Variants in CTBP2 observed in about 807,000 individuals in gnomAD.
The protein encoded by CTBP2 is C-terminal-binding protein 2.
CTBP2 carries 30 observed loss-of-function variants against 80.3 expected under a neutral mutation model. That is an observed-to-expected ratio of 0.37 (90% CI 0.28 to 0.51). The LOEUF is 0.51. CTBP2 is among the 20% of genes least tolerant of loss of function. The probability of loss-of-function intolerance (pLI) is 0.93; values close to 1 mark genes in which losing one functional copy is unlikely to be tolerated. For missense variants in CTBP2, 1,212 were observed against 1,375.3 expected, an observed-to-expected ratio of 0.88 and a Z score of 1.88; for synonymous variants, 594 against 587.4, an observed-to-expected ratio of 1.01 and a Z score of -0.16.
rs143250972 is a variant in CTBP2, at chr10:125,019,293, T to C, written c.1678+6789A>G. ...TTCTACATCGCTAACGTGGGCTAATTAGTTATGGATTACAAGTACTATTTC... is the reference window on the plus strand; with the variant it reads ...TTCTACATCGCTAACGTGGGCTAATCAGTTATGGATTACAAGTACTATTTC... On this transcript the variant is annotated intron_variant, in intron 1 of 8. Coordinates refer to ENST00000309035, the MANE Select transcript of CTBP2 (RefSeq NM_022802.3). Among the ~76,000 whole-genome samples, 109 of 152,296 alleles carry C rather than the reference T, an allele frequency of 7.2e-4. 1 individual carries two copies. Among genetic ancestry groups the C allele is most frequent in the African/African-American group, 2.5e-3 (104 of 41,562 alleles).
At chr10:125,051,908 G>C (rs1452898861) in intron 2 of CTBP2, among the ~76,000 whole-genome samples, 2 of 152,172 alleles carry the variant, frequency 1.3e-5, no homozygotes, top group Non-Finnish European at 2.9e-5. Flanking sequence ...CAGACAGGGG[G>C]AAGACGACGT....
At chr10:124,997,813 G>GAT in intron 4 of CTBP2, 151 bp downstream of exon 6, 1 of 759,182 alleles carries the variant, frequency 1.3e-6, no homozygotes. Flanking sequence ...TCTTGACTCC[G>GAT]ATCTCCTACC....
Position 125,066,142 on chromosome 10 carries a change from C to G in CTBP2, c.-101-26987G>C, listed in dbSNP as rs936564131. Among the ~76,000 whole-genome samples the G allele has an allele frequency of 5.3e-5, 8 of 151,812 alleles. No individual in the cohort carries two copies. The highest frequency in any genetic ancestry group is 1.9e-4 in the African/African-American group (8 of 41,288). On this transcript the variant is annotated intron_variant, in intron 2 of 10. Transcript: ENST00000337195. This position sits in a 1 kb window ranked among gnomAD's most constrained non-coding sequence, Gnocchi z 4.1. ...AATGCTCAGGCTGATGTCCTAACAC[C>G]CAGGACAACGTCTGAGTGACCAGTG...
At chr10:125,085,307 C>A (rs932677578) in intron 2 of CTBP2, among the ~76,000 whole-genome samples, 5 of 152,184 alleles carry the variant, frequency 3.3e-5, no homozygotes, top group Admixed American at 6.5e-5. Flanking sequence ...TCCTACGCTG[C>A]CCTGACAGCA....
intron 2 of CTBP2, among the ~76,000 whole-genome samples, chr10:125,060,460 CCA>C (rs747008233): frequency 1.5e-5 from 2 of 132,824 alleles, no homozygotes; most frequent in African/African-American, 3.0e-5. Flanking sequence ...TCCATTCCCC[CCA>C]CGTGTGTGTG....
intron 1 of CTBP2, among the ~76,000 whole-genome samples, chr10:125,154,205 G>C (rs938185653): frequency 6.6e-6 from 1 of 152,122 alleles, no homozygotes; most frequent in Admixed American, 6.5e-5. Flanking sequence ...TTTTATAAAT[G>C]AGAAGGATTT....
intron 1 of CTBP2, among the ~76,000 whole-genome samples, chr10:125,111,727 G>A (rs1852323776): frequency 6.6e-6 from 1 of 152,156 alleles, no homozygotes; most frequent in Non-Finnish European, 1.5e-5. Context: ...TACTCTACAT[G>A]GAACAGAGAA....
rs536724488 is a variant in CTBP2, at chr10:124,994,734, G to T, written c.2186-51C>A. ...GAGTGAGTCCACAGCCCGCGCCCCA[G>T]CGCTGCCACCTCCATTGCTTCTGAG... On this transcript the variant is annotated intron_variant, in intron 4 of 8. Transcript: ENST00000309035. The T allele has an allele frequency of 3.8e-6, 6 of 1,570,682 alleles. No homozygotes were observed. The Admixed American group carries it at 1.0e-4, about 26-fold the overall frequency.
intron 2 of CTBP2, among the ~76,000 whole-genome samples, chr10:125,077,613 T>C (rs1312240910): frequency 2.0e-5 from 3 of 152,156 alleles, no homozygotes; most frequent in Non-Finnish European, 4.4e-5. Flanking sequence ...TCTGGAAAGT[T>C]CTGGGCTTGG....
chr10:125,040,835 C>G (rs1223088770), intron 2 of CTBP2, among the ~76,000 whole-genome samples: 2 of 152,078 alleles, frequency 1.3e-5, no homozygotes. Context: ...AAAAGGCATC[C>G]GAAAGATTTA....
intron 1 of CTBP2, among the ~76,000 whole-genome samples, chr10:125,128,887 GA>G (rs1418310131): frequency 6.6e-6 from 1 of 152,184 alleles, no homozygotes; most frequent in African/African-American, 2.4e-5. Context: ...CGAAAAGCTG[GA>G]AACAGCCCAA....
intron 8 of CTBP2, among the ~76,000 whole-genome samples, chr10:124,990,052 T>C (rs1451959111): frequency 7.9e-5 from 12 of 151,048 alleles, no homozygotes; most frequent in Admixed American, 7.9e-4. Flanking sequence ...GTTTTTTTTT[T>C]TTTTTTTGAG....
intron 2 of CTBP2, among the ~76,000 whole-genome samples, chr10:125,047,457 G>T (rs1257519101): frequency 6.6e-6 from 1 of 152,098 alleles, no homozygotes; most frequent in East Asian, 1.9e-4. Context: ...TGAACGTCAT[G>T]CAGAGAAACT....
At chr10:125,062,864 A>C (rs1361735686) in intron 2 of CTBP2, among the ~76,000 whole-genome samples, 1 of 152,260 alleles carries the variant, frequency 6.6e-6, no homozygotes, top group African/African-American at 2.4e-5. Context: ...ATCTCAAAAA[A>C]ATAAAATAAA....
chr10:125,137,200 A>T (rs999001622), intron 1 of CTBP2, among the ~76,000 whole-genome samples: 1 of 152,258 alleles, frequency 6.6e-6, no homozygotes, highest in Admixed American at 6.5e-5. Context: ...AAATCAAGAC[A>T]ACAGGAAGAA....
At chr10:125,013,060 G>T (rs368936507) in intron 1 of CTBP2, among the ~76,000 whole-genome samples, 2 of 152,122 alleles carry the variant, frequency 1.3e-5, no homozygotes, top group African/African-American at 4.8e-5. Flanking sequence ...TGACTATGGC[G>T]ATGGGCCTTC....
At chr10:125,141,821 C>T (rs998292463) in intron 1 of CTBP2, among the ~76,000 whole-genome samples, 3 of 152,198 alleles carry the variant, frequency 2.0e-5, no homozygotes, top group Admixed American at 6.5e-5. Flanking sequence ...AGTGAGCACG[C>T]GGCAAACACA....
At position 124,988,927 on chromosome 10, in the gene CTBP2, C is replaced by G. The variant is rs573886793; in HGVS notation, c.*591G>C. On this transcript the variant is annotated 3_prime_UTR_variant, in exon 9 of 9. Coordinates refer to ENST00000309035, the MANE Select transcript of CTBP2 (RefSeq NM_022802.3). Reference sequence around the variant, plus strand: ...TCATCAGAGGGTTTTACTGAACTTACAACCGACTTGCCCGCTCAGTATGCA... The same window carrying G: ...TCATCAGAGGGTTTTACTGAACTTAGAACCGACTTGCCCGCTCAGTATGCA... The G allele has an allele frequency of 1.3e-5, 2 of 148,898 alleles. No homozygotes were observed. The highest frequency in any genetic ancestry group is 2.5e-5 in the African/African-American group (1 of 40,012). 9.2% of individuals were successfully genotyped at this position (148,898 alleles called of 1,614,324 possible). A position where few individuals can be genotyped will look rare whatever the true frequency, so the allele number is the denominator to read the frequency against.
Position 125,027,095 on chromosome 10 carries a change from G to A in CTBP2, c.665C>T (p.Ala222Val), listed in dbSNP as rs375455214. Residue 222 changes from alanine to valine, a missense_variant, in exon 1 of 9, where the codon GCC becomes GTC. Coordinates refer to ENST00000309035, the MANE Select transcript of CTBP2 (RefSeq NM_022802.3). Reference sequence around the variant, plus strand: ...CGTCGGGGCCACCTGTCTGGCAGGGGCAGGGTCAATGGGTCTTTCGCTGAT... The same window carrying A: ...CGTCGGGGCCACCTGTCTGGCAGGGACAGGGTCAATGGGTCTTTCGCTGAT... 3.7e-6 allele frequency: 6 copies of A among 1,611,138 alleles called. No individual in the cohort carries two copies. Among genetic ancestry groups the A allele is most frequent in the Non-Finnish European group, 5.1e-6 (6 of 1,178,300 alleles).
Sources: gnomAD v4.1 joint callset for allele counts (sites outside exome capture counted in the v4.1 genomes callset) on GRCh38, gnomAD v4.1.1 for gene constraint, Gnocchi (gnomAD v3.1) non-coding constraint, MANE v1.5 for transcripts, NCBI Gene and HGNC (gene_info 2026-07-23, HGNC 2026-07-21) for gene names.